The following EMCN variants were observed in gnomAD, a reference collection of about 807,000 sequenced individuals.
EMCN encodes the protein MUC-14.
Under a neutral mutation model 38.4 loss-of-function variants are expected in EMCN, and 37 were observed. The observed-to-expected ratio is 0.96, with a 90% CI of 0.74 to 1.27. EMCN has a LOEUF of 1.27. Among genes scored for constraint, EMCN ranks in the 50% most tolerant of loss-of-function variants. The pLI is 0.00. For missense variants in EMCN, 318 were observed against 302.8 expected (o/e 1.05, Z -0.37); for synonymous variants, 95 against 100.8 (o/e 0.94, Z 0.35).
intron 5 of EMCN, among the ~76,000 whole-genome samples, chr4:100,435,670 A>G (rs904381952): frequency 1.3e-5 from 2 of 152,148 alleles, no homozygotes; most frequent in African/African-American, 4.8e-5. Context: ...GTACTGGTAC[A>G]AAAACATGCA....
chr4:100,463,789 A>G (rs987065914), intron 4 of EMCN, among the ~76,000 whole-genome samples: 9 of 152,112 alleles, frequency 5.9e-5, no homozygotes, highest in Non-Finnish European at 4.4e-5. Context: ...ATTGAGTATA[A>G]TGTTTTTGAG....
At chr4:100,499,529 CTT>C (rs1367031948) in intron 1 of EMCN, among the ~76,000 whole-genome samples, 1 of 152,200 alleles carries the variant, frequency 6.6e-6, no homozygotes, top group African/African-American at 2.4e-5. Flanking sequence ...GAAAATCAAA[CTT>C]AAGTGAATTA....
intron 5 of EMCN, chr4:100,446,240 T>G (rs1727668308): frequency 2.0e-6 from 2 of 982,168 alleles, no homozygotes; most frequent in Non-Finnish European, 2.4e-6. Flanking sequence ...TGCCTGCCAA[T>G]TTTTAGCCTA....
At chr4:100,401,214 T>TG (rs1373003716) in intron 11 of EMCN, among the ~76,000 whole-genome samples, 1 of 152,156 alleles carries the variant, frequency 6.6e-6, no homozygotes, top group Non-Finnish European at 1.5e-5. Flanking sequence ...TCCATATCTG[T>TG]GGGTTCTATG....
chr4:100,450,057 G>A (rs1158918138), intron 4 of EMCN, among the ~76,000 whole-genome samples: 1 of 151,998 alleles, frequency 6.6e-6, no homozygotes, highest in African/African-American at 2.4e-5. Context: ...GAGAATTAAT[G>A]AGTGAAGATA....
In EMCN at chr4:100,396,176, T is replaced by C. The variant is rs894657987; in HGVS notation, c.*2237A>G. 2 of 152,238 alleles carry C rather than the reference T, an allele frequency of 1.3e-5. No individual in the cohort carries two copies. Among genetic ancestry groups the C allele is most frequent in the Non-Finnish European group, 2.9e-5 (2 of 68,040 alleles). The allele number at this position is 152,238 out of a possible 1,614,324, so 9.4% of individuals were successfully genotyped here. On this transcript the variant is annotated 3_prime_UTR_variant, in exon 12 of 12. Coordinates refer to ENST00000296420, the MANE Select transcript of EMCN (RefSeq NM_016242.4). ...ATGCAGACCTTACCTTTGAGATTGA[T>C]ATAAAATGCCGTGGACATCTCTGTA...
chr4:100,492,086 AG>A (rs1459859554), intron 1 of EMCN, among the ~76,000 whole-genome samples: 2 of 152,234 alleles, frequency 1.3e-5, no homozygotes, highest in Admixed American at 1.3e-4. Context: ...GAAAAATATC[AG>A]AGTAATTCTC....
chr4:100,424,051 T>A (rs1423311974), intron 5 of EMCN, among the ~76,000 whole-genome samples: 1 of 152,026 alleles, frequency 6.6e-6, no homozygotes, highest in Non-Finnish European at 1.5e-5. Flanking sequence ...ATTGTTATCG[T>A]TATTTGTTTG....
intron 4 of EMCN, among the ~76,000 whole-genome samples, chr4:100,457,630 G>T (rs769215313): frequency 9.2e-5 from 14 of 152,136 alleles, no homozygotes; most frequent in African/African-American, 3.4e-4. Flanking sequence ...GAACCATCTC[G>T]CATTCCACAA....
chr4:100,441,631 C>G (rs1021859426), intron 5 of EMCN, among the ~76,000 whole-genome samples: 1 of 151,972 alleles, frequency 6.6e-6, no homozygotes, highest in Non-Finnish European at 1.5e-5. Context: ...AGTGTTAATC[C>G]TTGATTCTTT....
chr4:100,497,081 C>T (rs1012059897), intron 1 of EMCN, among the ~76,000 whole-genome samples: 1 of 150,554 alleles, frequency 6.6e-6, no homozygotes, highest in Non-Finnish European at 1.5e-5. Flanking sequence ...GCTTTAGGGA[C>T]TGATAATATA....
intron 11 of EMCN, among the ~76,000 whole-genome samples, chr4:100,404,124 A>G (rs910461315): frequency 1.3e-5 from 2 of 151,638 alleles, no homozygotes; most frequent in Non-Finnish European, 3.0e-5. Context: ...TGGAGTCTTC[A>G]TCATGAAGAC....
chr4:100,460,518 C>T (rs1315489118), intron 4 of EMCN, among the ~76,000 whole-genome samples: 2 of 152,124 alleles, frequency 1.3e-5, no homozygotes, highest in African/African-American at 2.4e-5. Flanking sequence ...AGCAAAGTCA[C>T]GTCTTACATG....
intron 5 of EMCN, among the ~76,000 whole-genome samples, chr4:100,444,817 G>C (rs1245140650): frequency 6.6e-6 from 1 of 152,126 alleles, no homozygotes; most frequent in African/African-American, 2.4e-5. Flanking sequence ...GGGCTGAGAA[G>C]AGGAGGGAGG....
chr4:100,458,910 A>G (rs1728091451), intron 4 of EMCN, among the ~76,000 whole-genome samples: 1 of 152,076 alleles, frequency 6.6e-6, no homozygotes, highest in Non-Finnish European at 1.5e-5. Flanking sequence ...AAACCTCATA[A>G]ACATTTAGCC....
rs1042161401 is a variant in EMCN at position 100,507,245 on chromosome 4, C to A, written c.64+10606G>T. Among the ~76,000 whole-genome samples, 5 of 152,090 alleles carry A rather than the reference C, an allele frequency of 3.3e-5. No individual in the cohort carries two copies. The South Asian group carries it at 8.3e-4, about 25-fold the overall frequency. On this transcript the variant is annotated intron_variant, in intron 1 of 11. Transcript: ENST00000296420. ...TTAGGAGATGAAGGGCGCCTCTTTG[C>A]GAGGAGATTGTCAAACAAAGCTGGA...
intron 4 of EMCN, among the ~76,000 whole-genome samples, chr4:100,457,334 A>T (rs1406649900): frequency 1.3e-5 from 2 of 152,002 alleles, no homozygotes; most frequent in African/African-American, 4.8e-5. Context: ...TCTGAATAGA[A>T]CTTTCAGTAT....
intron 8 of EMCN, among the ~76,000 whole-genome samples, chr4:100,417,972 T>C (rs1726782987): frequency 1.3e-5 from 2 of 152,224 alleles, no homozygotes; most frequent in South Asian, 4.1e-4. Context: ...TCATTGAGTA[T>C]GCCCTTTGAA....
intron 2 of EMCN, among the ~76,000 whole-genome samples, 161 bp downstream of exon 2, chr4:100,479,756 A>G (rs907130812): frequency 6.6e-6 from 1 of 152,136 alleles, no homozygotes; most frequent in Non-Finnish European, 1.5e-5. Flanking sequence ...AGGGTTTTGT[A>G]TGGAACCCCA....
Sources: gnomAD v4.1 joint callset for allele counts (sites outside exome capture counted in the v4.1 genomes callset) on GRCh38, gnomAD v4.1.1 for gene constraint, MANE v1.5 for transcripts, NCBI Gene and HGNC (gene_info 2026-07-23, HGNC 2026-07-21) for gene names.